JAK2: variants seen among roughly 807,000 people sequenced by gnomAD.
JAK2 encodes tyrosine-protein kinase JAK2.
In JAK2, 86 loss-of-function variants were observed where a neutral mutation model predicts 139.3. The ratio of observed to expected loss-of-function variants is 0.62; its 90% CI spans 0.52 to 0.74. The LOEUF (loss-of-function observed/expected upper bound fraction) is 0.74, where lower values mean the gene tolerates loss of function less well. JAK2 is among the 30% of genes least tolerant of loss of function. JAK2 has a pLI of 0.00. For synonymous variants in JAK2, 490 were observed against 437.7 expected, an observed-to-expected ratio of 1.12 and a Z score of -1.49; for missense variants, 1,421 against 1,360.3, an observed-to-expected ratio of 1.04 and a Z score of -0.70.
chr9:5,030,485 C>CAT (rs548096415), intron 4 of JAK2, among the ~76,000 whole-genome samples: 258 of 152,002 alleles, frequency 1.7e-3, no homozygotes, highest in Non-Finnish European at 2.1e-3. Context: ...CATTTATATA[C>CAT]ATATATATAT....
chr9:5,127,002 G>A lies in JAK2; in HGVS notation c.*211G>A. 1 of 309,320 alleles carries A rather than the reference G, an allele frequency of 3.2e-6. No homozygotes were observed. The highest frequency in any genetic ancestry group is 8.7e-4 in the Middle Eastern group (1 of 1,154). 19.2% of individuals were successfully genotyped at this position (309,320 alleles called of 1,614,324 possible). A position where few individuals can be genotyped will look rare whatever the true frequency, so the allele number is the denominator to read the frequency against. On this transcript the variant is annotated 3_prime_UTR_variant, in exon 25 of 25. Transcript: ENST00000381652. ...AAAAGACATTAATGAGAATTCCTTA[G>A]CAAGGATTTTGTAAGAAGTTTCTTA...
Position 5,085,716 on chromosome 9 carries a change from A to G in JAK2, c.2571+3855A>G. 8.0e-6 allele frequency: 6 copies of G among 751,562 alleles called. No homozygotes were observed. The Admixed American group carries it at 8.8e-5, about 11-fold the overall frequency. The allele number at this position is 751,562 out of a possible 1,614,324, so 46.6% of individuals were successfully genotyped here. On this transcript the variant is annotated intron_variant, in intron 19 of 24. Coordinates refer to ENST00000381652, the MANE Select transcript of JAK2 (RefSeq NM_004972.4). ...ATCGTGAACAAGACTAGCAGTGTGG[A>G]TCATTTCTGCAATTAAGGCTGTGGC...
intron 3 of JAK2, among the ~76,000 whole-genome samples, chr9:5,028,967 C>T (rs529708251): frequency 9.1e-4 from 139 of 152,290 alleles, no homozygotes; most frequent in Non-Finnish European, 1.6e-3. Flanking sequence ...TTACTGCAGT[C>T]GCATTTTTAA....
intron 19 of JAK2, chr9:5,085,301 T>C (rs1819999157): frequency 1.1e-5 from 8 of 727,864 alleles, no homozygotes; most frequent in South Asian, 1.1e-4. Flanking sequence ...GAACATGAGG[T>C]GAAGTCGAAT....
intron 10 of JAK2, 64 bp from the exon 11 acceptor site, chr9:5,068,958 A>C: frequency 1.1e-6 from 1 of 906,590 alleles, no homozygotes; most frequent in Non-Finnish European, 1.7e-6. Flanking sequence ...TCATTTTGTC[A>C]GAATAATCAC....
chr9:5,045,640 G>T (rs1046503825), intron 5 of JAK2, among the ~76,000 whole-genome samples: 6 of 152,008 alleles, frequency 3.9e-5, no homozygotes, highest in Admixed American at 3.9e-4. Flanking sequence ...CCTTTTCTAT[G>T]TACCTCATAC....
At chr9:4,991,258 G>A (rs142119836) in intron 2 of JAK2, among the ~76,000 whole-genome samples, 6 of 152,302 alleles carry the variant, frequency 3.9e-5, no homozygotes, top group Non-Finnish European at 5.9e-5. Context: ...AACTAGGTTA[G>A]AATGGTCCAT....
At chr9:5,017,870 T>G (rs535720552) in intron 2 of JAK2, among the ~76,000 whole-genome samples, 5 of 152,326 alleles carry the variant, frequency 3.3e-5, no homozygotes. Context: ...ATTAATCCCT[T>G]TATCATTCTA....
chr9:5,100,549 G>T (rs1247452308), intron 22 of JAK2: 1 of 152,156 alleles, frequency 6.6e-6, no homozygotes, highest in Non-Finnish European at 1.5e-5. Flanking sequence ...TATCACTCTA[G>T]TCTAGCCCCA....
At chr9:5,092,348 A>G (rs779898520) in intron 22 of JAK2, among the ~76,000 whole-genome samples, 14 of 152,162 alleles carry the variant, frequency 9.2e-5, no homozygotes, top group Non-Finnish European at 1.8e-4. Context: ...TTCTCTATAC[A>G]TGAATAGAGG....
intron 22 of JAK2, among the ~76,000 whole-genome samples, chr9:5,122,067 G>T (rs1386948401): frequency 6.6e-6 from 1 of 152,160 alleles, no homozygotes; most frequent in Admixed American, 6.5e-5. Context: ...CAGTACTATA[G>T]GAATTCAGTG....
At chr9:5,094,088 C>G (rs151276924) in intron 22 of JAK2, 3 of 152,138 alleles carry the variant, frequency 2.0e-5, no homozygotes, top group Non-Finnish European at 2.9e-5. Context: ...TTCAACTCCC[C>G]TTCTTAACAA....
At chr9:5,025,302 C>A (rs1472484600) in intron 3 of JAK2, among the ~76,000 whole-genome samples, 1 of 152,122 alleles carries the variant, frequency 6.6e-6, no homozygotes, top group African/African-American at 2.4e-5. Flanking sequence ...AAACTAAATT[C>A]ACAAAATGTG....
intron 2 of JAK2, among the ~76,000 whole-genome samples, chr9:4,988,407 T>A (rs964247801): frequency 7.9e-5 from 12 of 152,232 alleles, no homozygotes; most frequent in Admixed American, 2.6e-4. Flanking sequence ...TATTGTCCAA[T>A]TTGATTCTAA....
chr9:4,988,079 T>TACAATTATTGTGCTGCCCCC (rs1388811063), intron 2 of JAK2, among the ~76,000 whole-genome samples: 1 of 152,218 alleles, frequency 6.6e-6, no homozygotes, highest in East Asian at 1.9e-4. Flanking sequence ...GTGTTGCCCC[T>TACAATTATTGTGCTGCCCCC]ACCAATTATT....
intron 4 of JAK2, among the ~76,000 whole-genome samples, chr9:5,037,128 A>G (rs550444142): frequency 6.6e-6 from 1 of 152,368 alleles, no homozygotes; most frequent in Admixed American, 6.5e-5. Flanking sequence ...ACTGGCCATC[A>G]GAGAAATGCA....
At position 5,107,501 on chromosome 9, in the gene JAK2, T is replaced by C. The variant is rs779887280; in HGVS notation, c.3060-15503T>C. Among the ~76,000 whole-genome samples the C allele has an allele frequency of 8.4e-4, 128 of 152,252 alleles. 3 individuals are homozygous for C. The highest frequency in any genetic ancestry group is 3.1e-4 in the Non-Finnish European group (21 of 68,012). On this transcript the variant is annotated intron_variant, in intron 22 of 24. Coordinates refer to ENST00000381652, the MANE Select transcript of JAK2 (RefSeq NM_004972.4). ...ACAACAATAATCACCACAGCCCTTA[T>C]ACTAGTTATCATTTTAATCCTAGGC...
chr9:5,037,616 C>A (rs1816154754), intron 4 of JAK2, among the ~76,000 whole-genome samples: 1 of 152,086 alleles, frequency 6.6e-6, no homozygotes, highest in Non-Finnish European at 1.5e-5. Flanking sequence ...GACAAAAAAC[C>A]AAACACTGCA....
chr9:5,019,041 G>C (rs1822246752), intron 2 of JAK2, among the ~76,000 whole-genome samples: 1 of 152,150 alleles, frequency 6.6e-6, no homozygotes, highest in African/African-American at 2.4e-5. Context: ...TGGAGAACCT[G>C]TTGGAATTTT....
Sources: allele counts gnomAD v4.1 joint callset (sites outside exome capture counted in the v4.1 genomes callset), GRCh38; gene constraint gnomAD v4.1.1; transcripts MANE v1.5; gene names NCBI Gene and HGNC (gene_info 2026-07-23, HGNC 2026-07-21).